The following ANKRD10 variants were observed in gnomAD, a reference collection of about 807,000 sequenced individuals.
The protein encoded by ANKRD10 is ankyrin repeat domain-containing protein 10.
Under a neutral mutation model 27.0 loss-of-function variants are expected in ANKRD10, and 14 were observed. The ratio of observed to expected loss-of-function variants is 0.52; its 90% CI spans 0.34 to 0.81. The LOEUF (loss-of-function observed/expected upper bound fraction) is 0.81, where lower values mean the gene tolerates loss of function less well. ANKRD10 is among the 40% of genes least tolerant of loss of function. The probability of loss-of-function intolerance (pLI) is 0.01; values close to 1 mark genes in which losing one functional copy is unlikely to be tolerated. For missense variants in ANKRD10, 493 were observed against 544.0 expected (o/e 0.91, Z 0.93); for synonymous variants, 250 against 224.5 (o/e 1.11, Z -1.01).
chr13:110,914,626 G>T (rs1228887543), intron 1 of ANKRD10, 99 bp downstream of exon 1: 5 of 1,429,272 alleles, frequency 3.5e-6, no homozygotes, highest in Non-Finnish European at 4.6e-6. Context: ...TCCGCCCCGC[G>T]ATCCCGGCAC....
rs370799110 is a variant in ANKRD10, at chr13:110,888,763, C to T, written c.691+4265G>A. On this transcript the variant is annotated intron_variant, in intron 4 of 5. Transcript: ENST00000267339. ...TTAAAACTTTCCACCGGTAATTTTA[C>T]CTTTAAATCATCATGTTGTAGATAC... Among the ~76,000 whole-genome samples, 5 of 152,148 alleles carry T rather than the reference C, an allele frequency of 3.3e-5. No individual in the cohort carries two copies. The East Asian group carries it at 9.6e-4, about 29-fold the overall frequency.
intron 3 of ANKRD10, among the ~76,000 whole-genome samples, chr13:110,897,950 A>G (rs1355883506): frequency 2.0e-5 from 3 of 152,214 alleles, no homozygotes; most frequent in South Asian, 4.1e-4. Flanking sequence ...ATTTCTCCTC[A>G]TTCCTCTACT....
chr13:110,879,704 G>A lies in ANKRD10; in HGVS notation c.1196C>T (p.Ser399Phe), dbSNP rs2064774904. 1.9e-6 allele frequency: 3 copies of A among 1,614,192 alleles called. No individual in the cohort carries two copies. Among genetic ancestry groups the A allele is most frequent in the Non-Finnish European group, 2.5e-6 (3 of 1,180,042 alleles). The change falls in exon 6 of 6, where the codon TCC (serine) becomes TTC (phenylalanine). Residue 399 changes from serine to phenylalanine, a missense_variant. By Grantham distance (155) the Ser-to-Phe change is radical. Coordinates refer to ENST00000267339, the MANE Select transcript of ANKRD10 (RefSeq NM_017664.4). Reference protein sequence around the residue: ...ELNSVVEHSKSVKVQERYDSA... With the variant: ...ELNSVVEHSKFVKVQERYDSA... ...GTCGTACCGCTCCTGCACCTTCACG[G>A]ACTTGGAATGCTCGACCACACTGTT...
chr13:110,901,999 T>C (rs141853872), intron 3 of ANKRD10, among the ~76,000 whole-genome samples: 104 of 141,146 alleles, frequency 7.4e-4, no homozygotes, highest in Non-Finnish European at 1.3e-3. Context: ...ACTATAATCA[T>C]GCCACTGTAC....
intron 3 of ANKRD10, among the ~76,000 whole-genome samples, chr13:110,902,872 TG>T (rs144443964): frequency 0.27 from 41,251 of 152,120 alleles, 6,971 homozygotes; most frequent in Non-Finnish European, 0.38. Context: ...CTGGTTGATA[TG>T]GAAACATCCT....
In ANKRD10 at chr13:110,914,918, G is replaced by C; in HGVS notation, c.17C>G (p.Ala6Gly). The C allele has an allele frequency of 1.3e-6, 2 of 1,534,302 alleles. No individual in the cohort carries two copies. Among genetic ancestry groups the C allele is most frequent in the South Asian group, 1.2e-5 (1 of 83,628 alleles). The change falls in exon 1 of 6, where the codon GCG becomes GGG. Residue 6 changes from alanine to glycine, a missense_variant. Physicochemically the swap from Ala to Gly is moderately conservative, Grantham distance 60. Coordinates refer to ENST00000267339, the MANE Select transcript of ANKRD10 (RefSeq NM_017664.4). ...GAAGCCCGCCTCTACGCCCGCGCCC[G>C]CTCCCGCCGCCGACATGGTCCGTCA... MSAAG[A>G]GAGVEAGFSS...
At chr13:110,901,164 G>A (rs1012641709) in intron 3 of ANKRD10, among the ~76,000 whole-genome samples, 3 of 151,518 alleles carry the variant, frequency 2.0e-5, no homozygotes, top group Non-Finnish European at 2.9e-5. Flanking sequence ...TAAAACATTA[G>A]CAAACATCTA....
intron 3 of ANKRD10, among the ~76,000 whole-genome samples, chr13:110,898,817 G>A (rs1428624274): frequency 4.8e-5 from 7 of 147,334 alleles, no homozygotes; most frequent in African/African-American, 7.6e-5. Flanking sequence ...GTGCAATGGC[G>A]TGATCTCGGC....
chr13:110,901,734 T>G (rs1392754719), intron 3 of ANKRD10, among the ~76,000 whole-genome samples: 1 of 152,130 alleles, frequency 6.6e-6, no homozygotes, highest in Non-Finnish European at 1.5e-5. Context: ...CAGACAAGTC[T>G]GCTGTGGGGA....
chr13:110,879,417 A>G lies in ANKRD10; in HGVS notation c.*220T>C, dbSNP rs1185698131. ...GAAAAACTCCAAAAGTGCACCTTAT[A>G]AAAAGGACACCTCACTGTAGAAACA... On this transcript the variant is annotated 3_prime_UTR_variant, in exon 6 of 6. Transcript: ENST00000267339. 26 of 525,072 alleles carry G rather than the reference A, an allele frequency of 5.0e-5. No homozygotes were observed. The highest frequency in any genetic ancestry group is 4.9e-4 in the Middle Eastern group (1 of 2,058). The allele number at this position is 525,072 out of a possible 1,614,324, so 32.5% of individuals were successfully genotyped here. A position where few individuals can be genotyped will look rare whatever the true frequency, so the allele number is the denominator to read the frequency against.
chr13:110,915,002 C>T lies in ANKRD10; in HGVS notation c.-68G>A. The T allele has an allele frequency of 6.7e-7, 1 of 1,486,540 alleles. No homozygotes were observed. Among genetic ancestry groups the T allele is most frequent in the African/African-American group, 1.4e-5 (1 of 71,424 alleles). The allele number at this position is 1,486,540 out of a possible 1,614,324, so 92.1% of individuals were successfully genotyped here. On this transcript the variant is annotated 5_prime_UTR_variant, in exon 1 of 6. Transcript: ENST00000267339. Reference sequence around the variant, plus strand: ...GCGTCGGGGAGGACTCGAGAAGCCGCCGCCGCAGCACAAAGGAACGAGACT... The same window carrying T: ...GCGTCGGGGAGGACTCGAGAAGCCGTCGCCGCAGCACAAAGGAACGAGACT...
intron 1 of ANKRD10, 195 bp downstream of exon 1, chr13:110,914,530 C>G: frequency 5.8e-6 from 4 of 695,542 alleles, no homozygotes; most frequent in Non-Finnish European, 7.9e-6. Flanking sequence ...CCGCGCCCCC[C>G]GGCTGCCCCG....
chr13:110,893,588 T>C (rs1038308180), intron 3 of ANKRD10, among the ~76,000 whole-genome samples: 1 of 152,248 alleles, frequency 6.6e-6, no homozygotes, highest in Admixed American at 6.5e-5. Context: ...CTGAATTCTA[T>C]ATTATATGCA....
intron 3 of ANKRD10, among the ~76,000 whole-genome samples, chr13:110,899,880 T>TA (rs1168323129): frequency 3.3e-5 from 5 of 152,114 alleles, no homozygotes; most frequent in African/African-American, 1.2e-4. Flanking sequence ...CAAATGCTTA[T>TA]ATGCTATATT....
In ANKRD10 at chr13:110,892,200, G is replaced by A. The variant is rs569224963; in HGVS notation, c.691+828C>T. Among the ~76,000 whole-genome samples the A allele has an allele frequency of 2.0e-5, 3 of 150,098 alleles. No homozygotes were observed. In the South Asian group the frequency reaches 6.3e-4, roughly 32 times the overall value. ...TAATCCCAGCACTTTGGGAGGCCGAGGCAGGTGGCTTACTGGAGGCCAGGA... is the reference window on the plus strand; with the variant it reads ...TAATCCCAGCACTTTGGGAGGCCGAAGCAGGTGGCTTACTGGAGGCCAGGA... On this transcript the variant is annotated intron_variant, in intron 4 of 5. Transcript: ENST00000267339.
At chr13:110,914,553 G>T (rs1030128667) in intron 1 of ANKRD10, 172 bp downstream of exon 1, 4 of 932,460 alleles carry the variant, frequency 4.3e-6, no homozygotes, top group Non-Finnish European at 5.6e-6. Flanking sequence ...GCGACTCCGG[G>T]CCGCGAGCGC....
At chr13:110,895,964 T>C (rs982573133) in intron 3 of ANKRD10, among the ~76,000 whole-genome samples, 1 of 152,172 alleles carries the variant, frequency 6.6e-6, no homozygotes, top group African/African-American at 2.4e-5. Flanking sequence ...GTCTTAGGTA[T>C]TATCTCAAAA....
At chr13:110,899,256 A>G (rs2065317268) in intron 3 of ANKRD10, 1 of 152,238 alleles carries the variant, frequency 6.6e-6, no homozygotes, top group African/African-American at 2.4e-5. Flanking sequence ...AGAGTCTCAA[A>G]AACTATTTTG....
chr13:110,908,081 G>C (rs569176189), intron 2 of ANKRD10, among the ~76,000 whole-genome samples: 1 of 152,086 alleles, frequency 6.6e-6, no homozygotes, highest in Admixed American at 6.5e-5. Context: ...TAAGACTAAA[G>C]AGCCAGGTGA....
Sources: allele counts gnomAD v4.1 joint callset (sites outside exome capture counted in the v4.1 genomes callset), GRCh38; gene constraint gnomAD v4.1.1; transcripts MANE v1.5; gene names NCBI Gene and HGNC (gene_info 2026-07-23, HGNC 2026-07-21).